The following KHSRP variants were observed in gnomAD, a reference collection of about 807,000 sequenced individuals.
KHSRP encodes the protein KH-type splicing regulatory protein, also known as far upstream element-binding protein 2.
A neutral mutation model predicts 94.9 loss-of-function variants in KHSRP; 13 were observed. The ratio of observed to expected loss-of-function variants is 0.14; its 90% CI spans 0.09 to 0.22. KHSRP has a LOEUF of 0.22. KHSRP is among the 10% of genes least tolerant of loss of function. KHSRP has a pLI of 1.00. For synonymous variants in KHSRP, 495 were observed against 401.4 expected, an observed-to-expected ratio of 1.23 and a Z score of -2.79; for missense variants, 710 against 1,010.0, an observed-to-expected ratio of 0.70 and a Z score of 4.03.
rs569362086 is a variant in KHSRP at position 6,421,266 on chromosome 19, A to G, written c.425+12T>C. ...CAGACAAGAAAGCAGTGTGGGCCCC[A>G]CCATGGCTTACCTTGGGGGAGGATG... On this transcript the variant is annotated intron_variant, in intron 4 of 18. Transcript: ENST00000600480. 9.5e-6 allele frequency: 15 copies of G among 1,581,040 alleles called. No homozygotes were observed. In the South Asian group the frequency reaches 1.5e-4, roughly 16 times the overall value.
chr19:6,419,327 C>T (rs927104106), intron 6 of KHSRP, 67 bp from the exon 7 acceptor site: 58 of 1,436,590 alleles, frequency 4.0e-5, no homozygotes, highest in South Asian at 2.8e-4. Flanking sequence ...GCCTTGGACA[C>T]GAGGAAACTT....
chr19:6,424,398 C>G (rs1176184421), intron 1 of KHSRP, 55 bp downstream of exon 1: 1 of 935,318 alleles, frequency 1.1e-6, no homozygotes, highest in African/African-American at 1.8e-5. Flanking sequence ...CCCCCGCCCC[C>G]TCCCCCGCCT....
chr19:6,423,712 G>A (rs914486326), intron 1 of KHSRP, among the ~76,000 whole-genome samples: 4 of 152,232 alleles, frequency 2.6e-5, no homozygotes, highest in Non-Finnish European at 4.4e-5. Flanking sequence ...CCCAGGAGCC[G>A]GTCGGCGGCA....
At chr19:6,423,647 C>G (rs748272277) in intron 1 of KHSRP, among the ~76,000 whole-genome samples, 10 of 152,232 alleles carry the variant, frequency 6.6e-5, no homozygotes, top group Non-Finnish European at 1.2e-4. Flanking sequence ...GTTCACTTAA[C>G]GGGACCTCCC....
At position 6,417,086 on chromosome 19, in the gene KHSRP, ATC is replaced by A; in HGVS notation, c.1082-1_1082del. The A allele has an allele frequency of 1.2e-6, 2 of 1,608,150 alleles. No individual in the cohort carries two copies. Among genetic ancestry groups the A allele is most frequent in the Non-Finnish European group, 1.7e-6 (2 of 1,178,944 alleles). ...CAATCTTCTCGGGCCCTGTCCCGTC[ATC>A]TGAGGCCAGCACCGAGAGAGCAGAG... On this transcript the variant is annotated splice_acceptor_variant and coding_sequence_variant, in exon 12 of 19. Coordinates refer to ENST00000600480, the MANE Select transcript of KHSRP (RefSeq NM_001366299.1). LOFTEE classifies it high-confidence loss of function.
Position 6,424,495 on chromosome 19 carries a change from G to A in KHSRP, c.207C>T (p.Ile69=). ...CGGCGTCGGCGAAAGCGTCCTTGCG[G>A]ATTCCCGGGCCGCCTCCGCCGGGTG... ...SQPPGGGGPG[I]RKDAFADAVQ... is the part of the protein sequence containing the mutation. Residue 69 remains isoleucine, a synonymous_variant, in exon 1 of 19, where the codon ATC becomes ATT. Transcript: ENST00000600480. 2 of 989,728 alleles carry A rather than the reference G, an allele frequency of 2.0e-6. No homozygotes were observed. The highest frequency in any genetic ancestry group is 2.4e-6 in the Non-Finnish European group (2 of 834,326). The allele number at this position is 989,728 out of a possible 1,614,324, so 61.3% of individuals were successfully genotyped here.
chr19:6,421,253 C>T, intron 4 of KHSRP, 25 bp downstream of exon 4: 1 of 1,573,520 alleles, frequency 6.4e-7, no homozygotes, highest in South Asian at 1.2e-5. Context: ...GACAAGAAAG[C>T]AGTGTGGGCC....
rs1054143715 is a variant in KHSRP at position 6,415,197 on chromosome 19, G to C, written c.2071C>G (p.Gln691Glu). The change falls in exon 19 of 19, where the codon CAG becomes GAG. Residue 691 changes from glutamine (Q) to glutamate (E), a missense_variant. By Grantham distance (29) the Gln-to-Glu change is conservative. Around this residue, in one of 5 missense-constraint regions of KHSRP, gnomAD observed 292 missense variants for 340.5 expected, o/e 0.86. Transcript: ENST00000600480. ...YYRQQAAYYGQTPGPGGPQPP... is the reference protein window; with the variant it reads ...YYRQQAAYYGETPGPGGPQPP... ...TGGGGGCCGCCAGGACCTGGGGTCTGTCCGTAGTAAGCGGCCTGCTGTCTG... is the reference window on the plus strand; with the variant it reads ...TGGGGGCCGCCAGGACCTGGGGTCTCTCCGTAGTAAGCGGCCTGCTGTCTG... The C allele has an allele frequency of 6.2e-7, 1 of 1,611,616 alleles. No individual in the cohort carries two copies.
chr19:6,415,608 C>T lies in KHSRP; in HGVS notation c.1814G>A (p.Gly605Asp). 1 of 1,517,988 alleles carries T rather than the reference C, an allele frequency of 6.6e-7. No homozygotes were observed. Among genetic ancestry groups the T allele is most frequent in the Non-Finnish European group, 8.8e-7 (1 of 1,133,980 alleles). 94.0% of individuals were successfully genotyped at this position (1,517,988 alleles called of 1,614,324 possible). ...APAPAAPPAQ[G>D]EPPQPPPTGQ... Reference sequence around the variant, plus strand: ...GGTGGGTGGGGGCTGAGGGGGCTCACCCTGAGCCGGTGGGGCCGCAGGGGC... The same window carrying T: ...GGTGGGTGGGGGCTGAGGGGGCTCATCCTGAGCCGGTGGGGCCGCAGGGGC... Residue 605 changes from glycine (G) to aspartate (D), a missense_variant, in exon 17 of 19, where the codon GGT becomes GAT. Physicochemically the swap from Gly to Asp is moderately conservative, Grantham distance 94. This residue lies in a region of KHSRP where 292 missense variants were observed against 340.5 expected (regional missense o/e 0.86). Coordinates refer to ENST00000600480, the MANE Select transcript of KHSRP (RefSeq NM_001366299.1).
rs760552007 is a variant in KHSRP at position 6,417,106 on chromosome 19, G to C, written c.1082-19C>G. On this transcript the variant is annotated intron_variant, in intron 11 of 18. Coordinates refer to ENST00000600480, the MANE Select transcript of KHSRP (RefSeq NM_001366299.1). The stretch of plus-strand genomic sequence containing the variant: ...CCGTCATCTGAGGCCAGCACCGAGA[G>C]AGCAGAGACACAAGTTTAAAAGAAG... 5 of 1,580,502 alleles carry C rather than the reference G, an allele frequency of 3.2e-6. No homozygotes were observed. Among genetic ancestry groups the C allele is most frequent in the South Asian group, 1.1e-5 (1 of 89,864 alleles).
chr19:6,422,848 C>T (rs1015489101), intron 1 of KHSRP, among the ~76,000 whole-genome samples: 4 of 152,020 alleles, frequency 2.6e-5, no homozygotes, highest in African/African-American at 9.7e-5. Flanking sequence ...TTTTTTAGCC[C>T]CGTTTTCCTG....
At chr19:6,421,737 G>T (rs746232171) in intron 2 of KHSRP, 49 bp from the exon 3 acceptor site, 11 of 1,605,846 alleles carry the variant, frequency 6.8e-6, no homozygotes, top group African/African-American at 6.7e-5. Flanking sequence ...ACCCACGGCC[G>T]CCTCGAACCT....
chr19:6,414,828 G>GC lies in KHSRP; in HGVS notation c.*195dup, dbSNP rs559474914. On this transcript the variant is annotated 3_prime_UTR_variant, in exon 19 of 19. Transcript: ENST00000600480. ...TGCCCACCGTCCGCGCTGTCTGCCT[G>GC]CCCCCCGACTCCCCAGCAGTTCAGA... 6.6e-4 allele frequency: 819 copies of GC among 1,232,902 alleles called. 3 individuals are homozygous for GC. The highest frequency in any genetic ancestry group is 5.8e-3 in the Middle Eastern group (18 of 3,122). The allele number at this position is 1,232,902 out of a possible 1,614,324, so 76.4% of individuals were successfully genotyped here.
chr19:6,417,591 G>A (rs1455239027), intron 11 of KHSRP, 148 bp downstream of exon 11: 1 of 648,020 alleles, frequency 1.5e-6, no homozygotes, highest in East Asian at 2.7e-5. Flanking sequence ...AGAAGAGAAG[G>A]GACTGGCCAT....
chr19:6,413,947 C>T lies in KHSRP; in HGVS notation c.*1077G>A. 1.2e-6 allele frequency: 1 copy of T among 827,164 alleles called. No homozygotes were observed. The highest frequency in any genetic ancestry group is 1.8e-6 in the Non-Finnish European group (1 of 557,312). 51.2% of individuals were successfully genotyped at this position (827,164 alleles called of 1,614,324 possible). A position where few individuals can be genotyped will look rare whatever the true frequency, so the allele number is the denominator to read the frequency against. ...CACAGAACAGGCGAGAGAGTGAGGG[C>T]CCGGCATGCCCCCAAGTCCCCCCCA... is the stretch of plus-strand genomic sequence containing the variant. On this transcript the variant is annotated 3_prime_UTR_variant, in exon 19 of 19. Transcript: ENST00000600480.
In KHSRP at chr19:6,417,994, C is replaced by A; in HGVS notation, c.965G>T (p.Gly322Val). The A allele has an allele frequency of 2.5e-6, 4 of 1,613,952 alleles. No homozygotes were observed. Among genetic ancestry groups the A allele is most frequent in the Non-Finnish European group, 3.4e-6 (4 of 1,179,838 alleles). The change falls in exon 10 of 19, where the codon GGC becomes GTC. Residue 322 changes from glycine (G) to valine (V), a missense_variant. Physicochemically the swap from Gly to Val is moderately radical, Grantham distance 109. This residue lies in a region of KHSRP where 288 missense variants were observed against 501.1 expected (regional missense o/e 0.57). Coordinates refer to ENST00000600480, the MANE Select transcript of KHSRP (RefSeq NM_001366299.1). ...GDRNEYGSRIGGGIDVPVPRH... is the reference protein window; with the variant it reads ...GDRNEYGSRIVGGIDVPVPRH... ...GCCCACACTCACATCGATGCCTCCG[C>A]CAATCCGAGATCCGTACTCATTCCG... is the stretch of plus-strand genomic sequence containing the variant.
intron 6 of KHSRP, among the ~76,000 whole-genome samples, chr19:6,419,781 G>A (rs771073468): frequency 1.3e-5 from 2 of 152,220 alleles, no homozygotes; most frequent in Non-Finnish European, 2.9e-5. Context: ...CACCCACGCG[G>A]CAGGTCAGTG....
rs35757137 is a variant in KHSRP, at chr19:6,413,825, GTT to G, written c.*1197_*1198del. The stretch of plus-strand genomic sequence containing the variant: ...TGCTCTTTGTGTTTTTAATTTTTAA[GTT>G]TTTTTTTTTTTTTGGCAGAGATTTA... On this transcript the variant is annotated 3_prime_UTR_variant, in exon 19 of 19. Coordinates refer to ENST00000600480, the MANE Select transcript of KHSRP (RefSeq NM_001366299.1). 1,073 of 159,394 alleles carry G rather than the reference GTT, an allele frequency of 6.7e-3. 2 individuals are homozygous for G. The highest frequency in any genetic ancestry group is 0.012 in the East Asian group (84 of 6,822). The allele number at this position is 159,394 out of a possible 1,614,324, so 9.9% of individuals were successfully genotyped here. A position where few individuals can be genotyped will look rare whatever the true frequency, so the allele number is the denominator to read the frequency against.
intron 11 of KHSRP, 46 bp downstream of exon 11, chr19:6,417,693 A>T: frequency 6.5e-7 from 1 of 1,531,220 alleles, no homozygotes; most frequent in Non-Finnish European, 9.0e-7. Context: ...CCTCCCAAAG[A>T]GGGTGGGGGT....
Sources: allele counts gnomAD v4.1 joint callset (sites outside exome capture counted in the v4.1 genomes callset), GRCh38; gene constraint gnomAD v4.1.1; regional missense constraint gnomAD v4.1.1; transcripts MANE v1.5; gene names NCBI Gene and HGNC (gene_info 2026-07-23, HGNC 2026-07-21).